KCNC2: variants seen among roughly 807,000 people sequenced by gnomAD.
The protein encoded by KCNC2 is potassium voltage-gated channel subfamily C member 2.
A neutral mutation model predicts 44.5 loss-of-function variants in KCNC2; 21 were observed. That is an observed-to-expected ratio of 0.47 (90% confidence interval 0.33 to 0.68). The LOEUF is 0.68. Among genes scored for constraint, KCNC2 ranks in the 30% least tolerant of loss-of-function variants. The pLI is 0.01. For missense variants in KCNC2, 589 were observed against 826.2 expected (o/e 0.71, Z 3.52); for synonymous variants, 391 against 339.1 (o/e 1.15, Z -1.68).
At chr12:75,122,777 A>G (rs111763053) in intron 2 of KCNC2, among the ~76,000 whole-genome samples, 2,230 of 152,228 alleles carry the variant, frequency 0.015, 46 homozygotes, top group African/African-American at 0.05. Flanking sequence ...AACATCAGAT[A>G]CTAGTAAAAA....
At chr12:75,047,413 T>C (rs1880654193) in intron 4 of KCNC2, among the ~76,000 whole-genome samples, 2 of 152,096 alleles carry the variant, frequency 1.3e-5, no homozygotes. Context: ...TATTCTGTTA[T>C]ACTCTTTACC....
intron 2 of KCNC2, among the ~76,000 whole-genome samples, chr12:75,134,590 A>AT (rs1003698570): frequency 3.0e-4 from 45 of 152,028 alleles, no homozygotes; most frequent in African/African-American, 1.1e-3. Context: ...ACCAAAAAAA[A>AT]AAAGAAGTTA....
intron 2 of KCNC2, among the ~76,000 whole-genome samples, chr12:75,136,177 A>G (rs77283387): frequency 0.015 from 2,214 of 152,192 alleles, 45 homozygotes; most frequent in African/African-American, 0.05. Context: ...CTGGGATGCC[A>G]CAAAAGCAGG....
At chr12:75,193,539 G>T (rs181630322) in intron 2 of KCNC2, among the ~76,000 whole-genome samples, 1 of 152,090 alleles carries the variant, frequency 6.6e-6, no homozygotes, top group Non-Finnish European at 1.5e-5. Context: ...TCTATAAATA[G>T]AGTAGGGAAT....
intron 2 of KCNC2, among the ~76,000 whole-genome samples, chr12:75,111,572 TC>T (rs928343899): frequency 5.3e-5 from 8 of 152,038 alleles, no homozygotes; most frequent in Non-Finnish European, 7.4e-5. Context: ...TTATTTTTTT[TC>T]AAAGTGATTT....
intron 2 of KCNC2, among the ~76,000 whole-genome samples, chr12:75,089,138 T>C (rs1426363645): frequency 1.3e-5 from 2 of 151,916 alleles, no homozygotes; most frequent in African/African-American, 2.4e-5. Flanking sequence ...AATTTATGTA[T>C]ACATATATGT....
chr12:75,104,262 T>C (rs1440372590), intron 2 of KCNC2, among the ~76,000 whole-genome samples: 1 of 152,120 alleles, frequency 6.6e-6, no homozygotes, highest in Non-Finnish European at 1.5e-5. Context: ...GGCATCTACA[T>C]CATGAATACT....
rs946894936 is a variant in KCNC2 at position 75,113,445 on chromosome 12, A to C, written c.688-62128T>G. Among the ~76,000 whole-genome samples, 3 of 152,180 alleles carry C rather than the reference A, an allele frequency of 2.0e-5. No homozygotes were observed. In the South Asian group the frequency reaches 6.2e-4, roughly 32 times the overall value. On this transcript the variant is annotated intron_variant, in intron 2 of 4. Transcript: ENST00000549446. ...TATTTCCTCCTGTAATTTTCAGAAAAAAATAAAAGGAAAATGAAAATAGAG... is the reference window on the plus strand; with the variant it reads ...TATTTCCTCCTGTAATTTTCAGAAACAAATAAAAGGAAAATGAAAATAGAG...
chr12:75,094,688 A>G (rs1885774753), intron 2 of KCNC2, among the ~76,000 whole-genome samples: 1 of 151,772 alleles, frequency 6.6e-6, no homozygotes. Context: ...TTCAGCAGAC[A>G]CTGAGAAGTT....
rs529135735 is a variant in KCNC2, at chr12:75,055,687, G to A, written c.688-4370C>T. On this transcript the variant is annotated intron_variant, in intron 2 of 4. Transcript: ENST00000549446. ...CTAATCAGTAGGCACATTTTTCTCC[G>A]TTAGTCATGTCCATGTATTTAATTA... is the stretch of plus-strand genomic sequence containing the variant. Among the ~76,000 whole-genome samples the A allele has an allele frequency of 2.2e-4, 34 of 151,984 alleles. No individual in the cohort carries two copies. The East Asian group carries it at 3.5e-3, about 16-fold the overall frequency.
intron 2 of KCNC2, among the ~76,000 whole-genome samples, chr12:75,174,284 T>C (rs186846568): frequency 6.6e-6 from 1 of 151,960 alleles, no homozygotes; most frequent in East Asian, 1.9e-4. Flanking sequence ...TTCTGGATCA[T>C]TAATTAAACT....
chr12:75,190,168 T>C (rs1441838119), intron 2 of KCNC2, among the ~76,000 whole-genome samples: 1 of 152,158 alleles, frequency 6.6e-6, no homozygotes. Context: ...TATCCATGGT[T>C]ATACAACTAC....
At chr12:75,115,790 T>C (rs1887618617) in intron 2 of KCNC2, among the ~76,000 whole-genome samples, 1 of 152,136 alleles carries the variant, frequency 6.6e-6, no homozygotes, top group African/African-American at 2.4e-5. Flanking sequence ...TTAAACAAAA[T>C]TATTTAAGAA....
chr12:75,160,648 G>T (rs147088981), intron 2 of KCNC2, among the ~76,000 whole-genome samples: 2 of 151,770 alleles, frequency 1.3e-5, no homozygotes, highest in Non-Finnish European at 2.9e-5. Flanking sequence ...AGATGAAGGC[G>T]GTTTGTTTGA....
At chr12:75,185,500 G>C (rs1242318583) in intron 2 of KCNC2, among the ~76,000 whole-genome samples, 1 of 151,910 alleles carries the variant, frequency 6.6e-6, no homozygotes, top group Non-Finnish European at 1.5e-5. Context: ...CCCACTCTCT[G>C]TTTCTTATCC....
chr12:75,108,701 T>G (rs999583713), intron 2 of KCNC2, among the ~76,000 whole-genome samples: 3 of 152,212 alleles, frequency 2.0e-5, no homozygotes, highest in Non-Finnish European at 2.9e-5. Context: ...TATCTTTGCC[T>G]AAATCCATTC....
chr12:75,059,441 T>C (rs1446202817), intron 2 of KCNC2, among the ~76,000 whole-genome samples: 1 of 152,142 alleles, frequency 6.6e-6, no homozygotes, highest in Admixed American at 6.6e-5. Flanking sequence ...TCTCAACTCA[T>C]TGAATGCAGA....
intron 2 of KCNC2, among the ~76,000 whole-genome samples, chr12:75,053,887 GACA>G (rs1881455096): frequency 6.6e-6 from 1 of 150,970 alleles, no homozygotes; most frequent in Non-Finnish European, 1.5e-5. Context: ...CTGAGAAAAA[GACA>G]ACATTCATCT....
At chr12:75,155,991 G>A (rs892099346) in intron 2 of KCNC2, among the ~76,000 whole-genome samples, 116 of 151,336 alleles carry the variant, frequency 7.7e-4, no homozygotes, top group African/African-American at 2.8e-3. Flanking sequence ...AGTTTCTTTA[G>A]AGGAAGTGGA....
Sources: allele counts gnomAD v4.1 joint callset (sites outside exome capture counted in the v4.1 genomes callset), GRCh38; gene constraint gnomAD v4.1.1; transcripts MANE v1.5; gene names NCBI Gene and HGNC (gene_info 2026-07-23, HGNC 2026-07-21).